GAREM1: variants seen among roughly 807,000 people sequenced by gnomAD.
GAREM1 encodes the protein GRB2 associated regulator of MAPK1 subtype 1, also known as GRB2-associated and regulator of MAPK protein 1.
In GAREM1, 26 loss-of-function variants were observed where a neutral mutation model predicts 71.3. The ratio of observed to expected loss-of-function variants is 0.36; its 90% confidence interval spans 0.27 to 0.51. The LOEUF is 0.51. Ranked by LOEUF, GAREM1 falls within the 20% of genes least tolerant of loss-of-function variation. The pLI, the probability that GAREM1 is intolerant of heterozygous loss-of-function variation, is 0.95. For missense variants in GAREM1, 1,026 were observed against 1,103.1 expected (o/e 0.93, Z 0.99); for synonymous variants, 440 against 433.2 (o/e 1.02, Z -0.20).
chr18:32,400,900 A>C (rs1215426122), intron 1 of GAREM1, among the ~76,000 whole-genome samples: 1 of 151,992 alleles, frequency 6.6e-6, no homozygotes, highest in Admixed American at 6.6e-5. Context: ...CACTATTCAC[A>C]ATAGCAAAGA....
chr18:32,454,996 T>C (rs980235591), intron 1 of GAREM1, among the ~76,000 whole-genome samples: 10 of 151,970 alleles, frequency 6.6e-5, no homozygotes, highest in Admixed American at 6.6e-5. Flanking sequence ...AAAAGACAAA[T>C]ATAAAAAGGG....
chr18:32,402,869 T>C (rs1298022260), intron 1 of GAREM1, among the ~76,000 whole-genome samples: 1 of 152,122 alleles, frequency 6.6e-6, no homozygotes, highest in African/African-American at 2.4e-5. Flanking sequence ...GAACCATGTA[T>C]CTGTGCTCGT....
At position 32,268,580 on chromosome 18, in the gene GAREM1, T is replaced by G; in HGVS notation, c.1922A>C (p.Asp641Ala). The change falls in exon 6 of 6, where the codon GAC becomes GCC. Residue 641 changes from aspartate (D) to alanine (A), a missense_variant. Asp to Ala is a moderately radical substitution (Grantham distance 126, BLOSUM62 -2). This residue lies in a region of GAREM1 where 636 missense variants were observed against 631.2 expected (regional missense o/e 1.01). Coordinates refer to ENST00000269209, the MANE Select transcript of GAREM1 (RefSeq NM_001242409.2). ...SGASESQTRSDFLLDPSRSYS... is the reference protein window; with the variant it reads ...SGASESQTRSAFLLDPSRSYS... ...ACTCCTGCTTGGATCCAGCAGGAAG[T>G]CACTCCTGGTCTGGCTTTCTGATGC... 1.9e-6 allele frequency: 3 copies of G among 1,614,186 alleles called. 1 individual carries two copies. The South Asian group carries it at 3.3e-5, about 18-fold the overall frequency.
intron 1 of GAREM1, among the ~76,000 whole-genome samples, chr18:32,436,879 C>T (rs1472071119): frequency 6.6e-6 from 1 of 152,112 alleles, no homozygotes; most frequent in African/African-American, 2.4e-5. Flanking sequence ...ATCCTAACCT[C>T]CTTACTTACT....
At chr18:32,348,668 G>A (rs2047719433) in intron 2 of GAREM1, among the ~76,000 whole-genome samples, 1 of 152,150 alleles carries the variant, frequency 6.6e-6, no homozygotes, top group Admixed American at 6.6e-5. Context: ...ACGTTTCAGT[G>A]AGCAAGATCG....
At chr18:32,404,653 T>C (rs1019764528) in intron 1 of GAREM1, among the ~76,000 whole-genome samples, 2 of 152,244 alleles carry the variant, frequency 1.3e-5, no homozygotes, top group African/African-American at 2.4e-5. Flanking sequence ...AAGGCATGCA[T>C]GTTTAATCCT....
chr18:32,302,142 G>C (rs2047207678), intron 3 of GAREM1, among the ~76,000 whole-genome samples: 1 of 152,198 alleles, frequency 6.6e-6, no homozygotes, highest in Non-Finnish European at 1.5e-5. Flanking sequence ...GAGTGTGATG[G>C]AGCAGAGAGG....
chr18:32,300,576 G>A (rs1388617787), intron 3 of GAREM1, among the ~76,000 whole-genome samples: 1 of 152,086 alleles, frequency 6.6e-6, no homozygotes, highest in African/African-American at 2.4e-5. Context: ...AATCACAAGC[G>A]GCTCTGTCTG....
chr18:32,329,703 T>TTAAAAAA (rs775188919), intron 2 of GAREM1, among the ~76,000 whole-genome samples: 1 of 78,186 alleles, frequency 1.3e-5, no homozygotes, highest in African/African-American at 5.6e-5. Context: ...GAGACTCCAT[T>TTAAAAAA]AAAAAAAAAA....
At chr18:32,295,561 A>G (rs529220117) in intron 3 of GAREM1, among the ~76,000 whole-genome samples, 8 of 152,334 alleles carry the variant, frequency 5.3e-5, no homozygotes, top group African/African-American at 1.7e-4. Context: ...GTGATCATCA[A>G]TATGTGTTTA....
At chr18:32,281,070 C>T (rs545401467) in intron 4 of GAREM1, among the ~76,000 whole-genome samples, 24 of 152,290 alleles carry the variant, frequency 1.6e-4, no homozygotes, top group African/African-American at 5.3e-4. Context: ...GGGAGAAGTG[C>T]CAAGTTCTTC....
intron 2 of GAREM1, among the ~76,000 whole-genome samples, chr18:32,373,330 G>A (rs184136184): frequency 6.3e-4 from 96 of 152,262 alleles, no homozygotes; most frequent in African/African-American, 2.3e-3. Flanking sequence ...CATTTGGGAG[G>A]AGGGATTTCT....
At chr18:32,371,150 C>T (rs951824816) in intron 2 of GAREM1, among the ~76,000 whole-genome samples, 21 of 151,930 alleles carry the variant, frequency 1.4e-4, no homozygotes, top group African/African-American at 4.6e-4. Flanking sequence ...AAAGGAAGGA[C>T]GTGGAGGTGA....
At chr18:32,331,917 G>T (rs2047538468) in intron 2 of GAREM1, among the ~76,000 whole-genome samples, 1 of 151,960 alleles carries the variant, frequency 6.6e-6, no homozygotes, top group African/African-American at 2.4e-5. Flanking sequence ...GCACGGCAGG[G>T]ACAGACTGAC....
At chr18:32,281,608 C>T (rs2144446359) in intron 4 of GAREM1, among the ~76,000 whole-genome samples, 1 of 152,322 alleles carries the variant, frequency 6.6e-6, no homozygotes, top group South Asian at 2.1e-4. Context: ...CTCCTTTTAT[C>T]ATTTTCCTTT....
intron 1 of GAREM1, among the ~76,000 whole-genome samples, chr18:32,438,936 A>G (rs1409792525): frequency 6.6e-6 from 1 of 152,206 alleles, no homozygotes; most frequent in African/African-American, 2.4e-5. Flanking sequence ...TTTCATTCCT[A>G]TCCCCCACAC....
rs556974320 is a variant in GAREM1 at position 32,338,469 on chromosome 18, A to G, written c.263-28146T>C. ...CGTTTCCTCATCTGTAAAATGGAAA[A>G]GAACCATGAAATGCTTATTTTCTGT... is the stretch of plus-strand genomic sequence containing the variant. On this transcript the variant is annotated intron_variant, in intron 2 of 5. Coordinates refer to ENST00000269209, the MANE Select transcript of GAREM1 (RefSeq NM_001242409.2). 3.9e-5 allele frequency among the ~76,000 whole-genome samples: 6 copies of G among 152,312 alleles called. No homozygotes were observed. In the South Asian group the frequency reaches 1.2e-3, roughly 32 times the overall value.
intron 4 of GAREM1, among the ~76,000 whole-genome samples, chr18:32,278,323 G>C (rs73956856): frequency 0.021 from 3,151 of 152,266 alleles, 47 homozygotes; most frequent in Non-Finnish European, 0.026. Flanking sequence ...TGCCTGGCAG[G>C]GGCGTGGGGG....
At chr18:32,377,032 T>A (rs766368674) in intron 2 of GAREM1, among the ~76,000 whole-genome samples, 3 of 152,202 alleles carry the variant, frequency 2.0e-5, no homozygotes, top group Non-Finnish European at 4.4e-5. Flanking sequence ...TAAGTATTAT[T>A]ATCCTAATTT....
Sources: allele counts gnomAD v4.1 joint callset (sites outside exome capture counted in the v4.1 genomes callset), GRCh38; gene constraint gnomAD v4.1.1; regional missense constraint gnomAD v4.1.1; transcripts MANE v1.5; gene names NCBI Gene and HGNC (gene_info 2026-07-23, HGNC 2026-07-21).